Variants in AGBL1 observed in about 807,000 individuals in gnomAD.
AGBL1 encodes the protein AGBL carboxypeptidase 1.
AGBL1 carries 130 observed loss-of-function variants against 118.9 expected under a neutral mutation model. That is an observed-to-expected ratio of 1.09 (90% CI 0.95 to 1.26). The LOEUF is 1.26. Among genes scored for constraint, AGBL1 ranks in the 50% most tolerant of loss-of-function variants. The pLI is 0.00. For synonymous variants in AGBL1, 555 were observed against 478.9 expected, an observed-to-expected ratio of 1.16 and a Z score of -2.08; for missense variants, 1,584 against 1,298.1, an observed-to-expected ratio of 1.22 and a Z score of -3.38.
intron 23 of AGBL1, chr15:86,935,131 A>AT (rs1031470049): frequency 4.6e-5 from 7 of 151,932 alleles, no homozygotes; most frequent in Non-Finnish European, 1.0e-4. Flanking sequence ...AACTCAGCGG[A>AT]TTTTCTCCCC....
At chr15:86,619,113 A>C (rs1040275588) in intron 21 of AGBL1, among the ~76,000 whole-genome samples, 5 of 152,124 alleles carry the variant, frequency 3.3e-5, no homozygotes, top group African/African-American at 9.7e-5. Flanking sequence ...TCATTCATTT[A>C]AAAGCTAATA....
intron 18 of AGBL1, among the ~76,000 whole-genome samples, chr15:86,445,774 G>A (rs1346903744): frequency 2.0e-5 from 3 of 152,186 alleles, no homozygotes; most frequent in Non-Finnish European, 2.9e-5. Context: ...GAAAGGAAAG[G>A]GAGCTTGGTG....
intron 18 of AGBL1, among the ~76,000 whole-genome samples, chr15:86,496,290 G>T (rs1567024611): frequency 6.6e-6 from 1 of 152,010 alleles, no homozygotes. Context: ...CTTGTACCAT[G>T]ACTATAAGTT....
chr15:86,233,872 A>G lies in AGBL1; in HGVS notation c.526+8921A>G, dbSNP rs539653416. Among the ~76,000 whole-genome samples the G allele has an allele frequency of 2.0e-5, 3 of 152,256 alleles. No individual in the cohort carries two copies. The East Asian group carries it at 5.8e-4, about 29-fold the overall frequency. ...AGGGTCAGCTTCCAGTTGGGATTTT[A>G]CTGGCAGGCAGGATGGGCAGTATAA... On this transcript the variant is annotated intron_variant, in intron 6 of 22. Transcript: ENST00000614907.
intron 24 of AGBL1, among the ~76,000 whole-genome samples, chr15:87,025,056 C>T (rs1173174820): frequency 1.3e-5 from 2 of 151,992 alleles, no homozygotes; most frequent in Non-Finnish European, 2.9e-5. Context: ...AGCATTCCCT[C>T]TGAGAACTGG....
intron 21 of AGBL1, among the ~76,000 whole-genome samples, chr15:86,566,858 C>T (rs2083924709): frequency 6.6e-6 from 1 of 152,154 alleles, no homozygotes; most frequent in Non-Finnish European, 1.5e-5. Context: ...ATATGGGCTC[C>T]TGTGTCAGAT....
At chr15:86,346,642 C>G (rs941632318) in intron 17 of AGBL1, among the ~76,000 whole-genome samples, 5 of 152,182 alleles carry the variant, frequency 3.3e-5, no homozygotes, top group African/African-American at 1.2e-4. Context: ...AGCCACCACG[C>G]CCGGCCAAGC....
In AGBL1 at chr15:86,627,216, T is replaced by C. The variant is rs1307126799; in HGVS notation, c.2995-47057T>C. ...GGTTTCTCCATGTTGGTCAGGCTAGTCTCGAACTCCCGACCTCAGGTGATT... is the reference window on the plus strand; with the variant it reads ...GGTTTCTCCATGTTGGTCAGGCTAGCCTCGAACTCCCGACCTCAGGTGATT... On this transcript the variant is annotated intron_variant, in intron 21 of 22. Coordinates refer to ENST00000614907, the MANE Select transcript of AGBL1 (RefSeq NM_001386094.1). 2.0e-5 allele frequency among the ~76,000 whole-genome samples: 3 copies of C among 152,268 alleles called. No homozygotes were observed. The East Asian group carries it at 5.8e-4, about 29-fold the overall frequency.
chr15:86,116,966 T>A lies in AGBL1; in HGVS notation c.52-25038T>A, dbSNP rs550793689. 1.3e-4 allele frequency among the ~76,000 whole-genome samples: 19 copies of A among 150,236 alleles called. No individual in the cohort carries two copies. The South Asian group carries it at 4.0e-3, about 31-fold the overall frequency. ...CTTTTCTTTTCTTTTTTTTTTTTTT[T>A]AACATGTTTTCGTGTTACTTAGGCC... On this transcript the variant is annotated intron_variant, in intron 1 of 22. Transcript: ENST00000614907.
chr15:86,295,423 A>G lies in AGBL1; in HGVS notation c.2374+15A>G. 1 of 1,539,906 alleles carries G rather than the reference A, an allele frequency of 6.5e-7. No individual in the cohort carries two copies. ...AGAGCAGTTCCGTGAGTAAAATGGG[A>G]TCCTCTTCGTAGAAGATTTGACTAA... On this transcript the variant is annotated intron_variant, in intron 17 of 22. Coordinates refer to ENST00000614907, the MANE Select transcript of AGBL1 (RefSeq NM_001386094.1).
At chr15:86,904,184 TTTCCAGCTCTCAGCTG>T (rs1375366984) in intron 22 of AGBL1, among the ~76,000 whole-genome samples, 1 of 152,150 alleles carries the variant, frequency 6.6e-6, no homozygotes. Context: ...CCTCTTGGCA[TTTCCAGCTCTCAGCTG>T]TTCCAGCTCC....
chr15:86,379,273 A>G (rs546382823), intron 17 of AGBL1, among the ~76,000 whole-genome samples: 2 of 152,282 alleles, frequency 1.3e-5, no homozygotes, highest in South Asian at 2.1e-4. Flanking sequence ...GTTCTTAACC[A>G]TGAAGGATAC....
intron 21 of AGBL1, among the ~76,000 whole-genome samples, chr15:86,594,417 A>T (rs1431718334): frequency 6.6e-6 from 1 of 152,212 alleles, no homozygotes; most frequent in Non-Finnish European, 1.5e-5. Context: ...GTTTCAGAAA[A>T]TGTAATAAAA....
In AGBL1 at chr15:86,393,764, T is replaced by C. The variant is rs538674433; in HGVS notation, c.2375-3602T>C. Among the ~76,000 whole-genome samples, 202 of 152,246 alleles carry C rather than the reference T, an allele frequency of 1.3e-3. 1 individual carries two copies. The highest frequency in any genetic ancestry group is 4.7e-3 in the African/African-American group (197 of 41,568). ...CACCTAATCTGCTATGGACTGAATA[T>C]GTATGTCCTCCCAAAATTATATGTT... On this transcript the variant is annotated intron_variant, in intron 17 of 22. Coordinates refer to ENST00000614907, the MANE Select transcript of AGBL1 (RefSeq NM_001386094.1).
intron 17 of AGBL1, among the ~76,000 whole-genome samples, chr15:86,318,897 C>T (rs371039808): frequency 1.0e-3 from 151 of 151,698 alleles, no homozygotes; most frequent in African/African-American, 3.5e-3. Flanking sequence ...CTGAGTTGGC[C>T]ATAGTTTATT....
chr15:86,617,336 C>A (rs919750162), intron 21 of AGBL1, among the ~76,000 whole-genome samples: 2 of 152,150 alleles, frequency 1.3e-5, no homozygotes, highest in African/African-American at 2.4e-5. Flanking sequence ...GCTGTAAGGA[C>A]TAGACACATG....
intron 21 of AGBL1, among the ~76,000 whole-genome samples, chr15:86,632,516 G>A (rs1425054848): frequency 1.3e-5 from 2 of 152,086 alleles, no homozygotes; most frequent in Non-Finnish European, 2.9e-5. Context: ...GGGGAGTTTT[G>A]TAGACCACTC....
chr15:86,262,712 C>A, intron 9 of AGBL1, 66 bp from the exon 10 acceptor site: 2 of 1,081,944 alleles, frequency 1.8e-6, no homozygotes, highest in Admixed American at 2.0e-5. Context: ...ACATACATAT[C>A]ATGTCTTGAT....
intron 23 of AGBL1, among the ~76,000 whole-genome samples, chr15:86,954,457 A>G (rs895055751): frequency 1.3e-5 from 2 of 152,186 alleles, no homozygotes; most frequent in African/African-American, 4.8e-5. Flanking sequence ...ACACCATGGA[A>G]CACTGTGCAG....
Sources: gnomAD v4.1 joint callset for allele counts (sites outside exome capture counted in the v4.1 genomes callset) on GRCh38, gnomAD v4.1.1 for gene constraint, MANE v1.5 for transcripts, NCBI Gene and HGNC (gene_info 2026-07-23, HGNC 2026-07-21) for gene names.